The following ABTB3 variants were observed in gnomAD, a reference collection of about 807,000 sequenced individuals.
ABTB3 encodes ankyrin repeat and BTB domain containing 3, also known as ankyrin repeat- and BTB/POZ domain-containing protein 3.
the ABTB3 span, among the ~76,000 whole-genome samples, chr12:107,473,840 T>TA: frequency 6.6e-6 from 1 of 151,788 alleles, no homozygotes; most frequent in South Asian, 2.1e-4. Flanking sequence ...CTTGCTCTGT[T>TA]GCTCAGGCTG....
the ABTB3 span, among the ~76,000 whole-genome samples, chr12:107,338,155 T>A: frequency 6.6e-6 from 1 of 152,200 alleles, no homozygotes; most frequent in East Asian, 1.9e-4. Context: ...CAAATCTGTA[T>A]CTTCTTTCCA....
chr12:107,441,774 C>CAAAAAAAAAAAAAAAAAAA, the ABTB3 span, among the ~76,000 whole-genome samples: 3 of 80,040 alleles, frequency 3.7e-5, no homozygotes, highest in African/African-American at 1.7e-4. Context: ...CTTGTCTCTA[C>CAAAAAAAAAAAAAAAAAAA]AAAAAAAAAA....
the ABTB3 span, among the ~76,000 whole-genome samples, chr12:107,447,744 A>G: frequency 1.3e-5 from 2 of 152,210 alleles, no homozygotes; most frequent in Admixed American, 1.3e-4. Flanking sequence ...CATGTGAATT[A>G]TGGAGCCCAC....
chr12:107,450,533 C>T, the ABTB3 span, among the ~76,000 whole-genome samples: 4 of 152,170 alleles, frequency 2.6e-5, no homozygotes, highest in East Asian at 1.9e-4. Context: ...GAGGGAAATA[C>T]ACGATTATTA....
the ABTB3 span, among the ~76,000 whole-genome samples, chr12:107,539,864 C>T: frequency 6.6e-6 from 1 of 152,120 alleles, no homozygotes; most frequent in East Asian, 1.9e-4. Context: ...TCCTCTGATC[C>T]CTGCTTAACT....
the ABTB3 span, among the ~76,000 whole-genome samples, chr12:107,497,466 T>C: frequency 3.4e-3 from 500 of 148,682 alleles, 2 homozygotes; most frequent in African/African-American, 0.012. Flanking sequence ...TCACAATTAT[T>C]ACCACCATCA....
At chr12:107,605,550 G>C in the ABTB3 span, among the ~76,000 whole-genome samples, 1 of 152,208 alleles carries the variant, frequency 6.6e-6, no homozygotes, top group Non-Finnish European at 1.5e-5. Context: ...GCAGAGTGAA[G>C]GAGGGAGAGA....
At chr12:107,319,125 G>C in the ABTB3 span, 1 of 1,605,836 alleles carries the variant, frequency 6.2e-7, no homozygotes, top group Non-Finnish European at 8.5e-7. Flanking sequence ...ATGCACAGCC[G>C]GCACAACAGC....
At chr12:107,653,672 T>C in the ABTB3 span, among the ~76,000 whole-genome samples, 1 of 152,112 alleles carries the variant, frequency 6.6e-6, no homozygotes, top group East Asian at 1.9e-4. Flanking sequence ...CTACAACCCT[T>C]TTAGGTGAAT....
the ABTB3 span, among the ~76,000 whole-genome samples, chr12:107,344,565 G>A: frequency 6.6e-6 from 1 of 152,192 alleles, no homozygotes; most frequent in Non-Finnish European, 1.5e-5. Context: ...CCAGTCAAGT[G>A]TTTGTTGAAT....
the ABTB3 span, among the ~76,000 whole-genome samples, chr12:107,393,849 G>A: frequency 6.6e-6 from 1 of 152,152 alleles, no homozygotes; most frequent in East Asian, 1.9e-4. Context: ...AGAATGGTGT[G>A]AACCTGGGAG....
chr12:107,399,392 C>G, the ABTB3 span, among the ~76,000 whole-genome samples: 1 of 152,176 alleles, frequency 6.6e-6, no homozygotes, highest in South Asian at 2.1e-4. Flanking sequence ...CACCCCACCC[C>G]CCAAACCCAT....
chr12:107,404,733 C>T, the ABTB3 span, among the ~76,000 whole-genome samples: 1 of 152,140 alleles, frequency 6.6e-6, no homozygotes, highest in Non-Finnish European at 1.5e-5. Flanking sequence ...TTTTTCACTG[C>T]CACAGCCTGC....
chr12:107,539,563 A>G, the ABTB3 span, among the ~76,000 whole-genome samples: 2 of 152,190 alleles, frequency 1.3e-5, no homozygotes, highest in Non-Finnish European at 2.9e-5. Context: ...GTCCTAAAAA[A>G]GTCAACCCCA....
At chr12:107,505,255 G>A in the ABTB3 span, among the ~76,000 whole-genome samples, 1 of 152,016 alleles carries the variant, frequency 6.6e-6, no homozygotes, top group Non-Finnish European at 1.5e-5. Context: ...TGGGAAATAA[G>A]TAGCTAAAAA....
the ABTB3 span, among the ~76,000 whole-genome samples, chr12:107,550,583 C>CTTTCTT: frequency 7.4e-6 from 1 of 135,252 alleles, no homozygotes; most frequent in Admixed American, 7.4e-5. Context: ...TTCTTTCTTT[C>CTTTCTT]TTTTTTTTTT....
At chr12:107,608,580 A>G in the ABTB3 span, among the ~76,000 whole-genome samples, 1 of 152,144 alleles carries the variant, frequency 6.6e-6, no homozygotes, top group Admixed American at 6.5e-5. Context: ...CTTCTGAGTT[A>G]AGACACAAGC....
chr12:107,474,604 G>A, the ABTB3 span, among the ~76,000 whole-genome samples: 2 of 152,166 alleles, frequency 1.3e-5, no homozygotes, highest in South Asian at 4.1e-4. Flanking sequence ...ACAAAGGGAA[G>A]GGGAGGCATT....
At chr12:107,433,420 C>T in the ABTB3 span, among the ~76,000 whole-genome samples, 1 of 151,390 alleles carries the variant, frequency 6.6e-6, no homozygotes. Flanking sequence ...ACCCAAGCAG[C>T]TATTGGGAAA....
Sources: allele counts gnomAD v4.1 joint callset (sites outside exome capture counted in the v4.1 genomes callset), GRCh38; gene constraint gnomAD v4.1.1; transcripts MANE v1.5; gene names NCBI Gene and HGNC (gene_info 2026-07-23, HGNC 2026-07-21).